Variants in PALM2AKAP2 observed in about 807,000 individuals in gnomAD.
The protein encoded by PALM2AKAP2 is PALM2-AKAP2 fusion protein.
Under a neutral mutation model 71.5 loss-of-function variants are expected in PALM2AKAP2, and 37 were observed. That is an observed-to-expected ratio of 0.52 (90% confidence interval 0.40 to 0.68). The LOEUF is 0.68. Among genes scored for constraint, PALM2AKAP2 ranks in the 30% least tolerant of loss-of-function variants. The pLI is 0.00. For missense variants in PALM2AKAP2, 1,224 were observed against 1,191.8 expected, an observed-to-expected ratio of 1.03 and a Z score of -0.40; for synonymous variants, 468 against 478.8, an observed-to-expected ratio of 0.98 and a Z score of 0.29.
intron 1 of PALM2AKAP2, among the ~76,000 whole-genome samples, chr9:109,745,221 A>C (rs911004246): frequency 5.9e-5 from 9 of 152,084 alleles, no homozygotes; most frequent in African/African-American, 2.2e-4. Flanking sequence ...GCATGGTGGC[A>C]CAAGTCTGTC....
rs1554736945 is a variant in PALM2AKAP2 at position 110,006,358 on chromosome 9, C to CTTTCTT, written c.497-9594_497-9589dup. On this transcript the variant is annotated intron_variant, in intron 6 of 9. Coordinates refer to the PALM2AKAP2 transcript ENST00000302798. The stretch of plus-strand genomic sequence containing the variant: ...TCTTTCTTTCTTTCTTTCTTTCTTT[C>CTTTCTT]TTTCTTTCTTTCTTCTCTCTTTCTT... Among the ~76,000 whole-genome samples, 22 of 126,870 alleles carry CTTTCTT rather than the reference C, an allele frequency of 1.7e-4. No individual in the cohort carries two copies. The South Asian group carries it at 1.8e-3, about 11-fold the overall frequency. The allele number at this position is 126,870 out of a possible 152,430, so 83.2% of individuals were successfully genotyped here.
At chr9:110,003,902 T>G (rs1212989746) in intron 6 of PALM2AKAP2, among the ~76,000 whole-genome samples, 1 of 152,196 alleles carries the variant, frequency 6.6e-6, no homozygotes, top group Non-Finnish European at 1.5e-5. Flanking sequence ...CCCCATCCCT[T>G]TATTTTGAGC....
At chr9:109,939,063 G>A (rs1373939974) in intron 6 of PALM2AKAP2, among the ~76,000 whole-genome samples, 2 of 151,636 alleles carry the variant, frequency 1.3e-5, no homozygotes, top group Non-Finnish European at 2.9e-5. Context: ...AAATAAAAGG[G>A]ACCTAATTTA....
At chr9:109,907,698 T>G (rs550755294) in intron 3 of PALM2AKAP2, among the ~76,000 whole-genome samples, 1 of 152,312 alleles carries the variant, frequency 6.6e-6, no homozygotes, top group East Asian at 1.9e-4. Flanking sequence ...GAGCAGGAAC[T>G]CTTACAATAA....
intron 6 of PALM2AKAP2, among the ~76,000 whole-genome samples, chr9:110,013,550 T>A (rs568699272): frequency 6.6e-6 from 1 of 152,290 alleles, no homozygotes; most frequent in East Asian, 1.9e-4. Context: ...AAGCTGACAA[T>A]CTCCTTGCAG....
chr9:110,081,373 TAAAA>T (rs1834445233), intron 1 of PALM2AKAP2, among the ~76,000 whole-genome samples: 1 of 152,218 alleles, frequency 6.6e-6, no homozygotes. Context: ...TTTACATTGT[TAAAA>T]AGAGAGATTT....
intron 1 of PALM2AKAP2, among the ~76,000 whole-genome samples, chr9:109,708,834 T>A (rs766389043): frequency 6.6e-6 from 1 of 152,202 alleles, no homozygotes; most frequent in Non-Finnish European, 1.5e-5. Context: ...TCATGTACTT[T>A]GTAAGTTCTC....
chr9:110,048,824 A>G (rs1348032037), exon 1 of PALM2AKAP2: 7 of 1,529,386 alleles, frequency 4.6e-6, no homozygotes, highest in Non-Finnish European at 6.1e-6. Flanking sequence ...GCAGAACCCC[A>G]GGACTGCGCC....
At chr9:109,936,336 CT>C (rs1445859940) in intron 6 of PALM2AKAP2, among the ~76,000 whole-genome samples, 1 of 152,150 alleles carries the variant, frequency 6.6e-6, no homozygotes, top group Non-Finnish European at 1.5e-5. Flanking sequence ...TTCTATCTAA[CT>C]ATATTTTTGA....
At chr9:109,719,081 TA>T (rs544526748) in intron 1 of PALM2AKAP2, among the ~76,000 whole-genome samples, 2 of 152,078 alleles carry the variant, frequency 1.3e-5, no homozygotes, top group African/African-American at 4.8e-5. Context: ...TCATCTCTTA[TA>T]AAAAAATAAA....
intron 1 of PALM2AKAP2, among the ~76,000 whole-genome samples, chr9:109,853,378 C>A (rs1829072706): frequency 6.6e-6 from 1 of 152,154 alleles, no homozygotes; most frequent in African/African-American, 2.4e-5. Flanking sequence ...CAATCTTTTC[C>A]ATAACTGTAT....
chr9:109,848,530 T>C (rs1050940710), intron 1 of PALM2AKAP2, among the ~76,000 whole-genome samples: 2 of 152,166 alleles, frequency 1.3e-5, no homozygotes, highest in African/African-American at 4.8e-5. Context: ...CTAGAGCTCA[T>C]GTCATGGCAG....
chr9:109,999,053 G>T (rs999857390), intron 6 of PALM2AKAP2, among the ~76,000 whole-genome samples: 22 of 152,060 alleles, frequency 1.4e-4, no homozygotes, highest in African/African-American at 5.3e-4. Flanking sequence ...AGTGCTCAGG[G>T]TCTGGCTGGG....
intron 1 of PALM2AKAP2, chr9:110,128,149 G>A (rs1588124583): frequency 6.6e-6 from 1 of 152,230 alleles, no homozygotes; most frequent in African/African-American, 2.4e-5. Context: ...AGCTGATGTG[G>A]GCATCTTTTA....
At chr9:110,003,256 A>G (rs563282129) in intron 6 of PALM2AKAP2, among the ~76,000 whole-genome samples, 1 of 152,100 alleles carries the variant, frequency 6.6e-6, no homozygotes, top group Non-Finnish European at 1.5e-5. Context: ...GGTTTCAAAG[A>G]ACATCTTTAT....
intron 1 of PALM2AKAP2, among the ~76,000 whole-genome samples, chr9:109,692,292 C>G (rs1827910231): frequency 6.6e-6 from 1 of 151,676 alleles, no homozygotes; most frequent in South Asian, 2.1e-4. Context: ...TGCATTTTGA[C>G]TTTGTATCTT....
At chr9:109,675,245 A>C (rs1262616189) in intron 1 of PALM2AKAP2, among the ~76,000 whole-genome samples, 1 of 152,080 alleles carries the variant, frequency 6.6e-6, no homozygotes, top group Non-Finnish European at 1.5e-5. Flanking sequence ...ATCATGTTCA[A>C]ATTTGGTGGG....
intron 1 of PALM2AKAP2, among the ~76,000 whole-genome samples, chr9:110,121,569 G>C (rs1363919548): frequency 6.6e-6 from 1 of 152,206 alleles, no homozygotes; most frequent in African/African-American, 2.4e-5. Context: ...GCTCTTAACT[G>C]TGTTTGAAGC....
At chr9:109,651,795 T>A (rs1827228624) in intron 1 of PALM2AKAP2, among the ~76,000 whole-genome samples, 1 of 152,198 alleles carries the variant, frequency 6.6e-6, no homozygotes, top group Admixed American at 6.5e-5. Flanking sequence ...TAACTTATAA[T>A]AAAAATTCCC....
Sources: allele counts gnomAD v4.1 joint callset (sites outside exome capture counted in the v4.1 genomes callset), GRCh38; gene constraint gnomAD v4.1.1; transcripts MANE v1.5; gene names NCBI Gene and HGNC (gene_info 2026-07-23, HGNC 2026-07-21).